ZNF184: variants seen among roughly 807,000 people sequenced by gnomAD.
ZNF184 encodes the protein zinc finger protein 184.
In ZNF184, 16 loss-of-function variants were observed where a neutral mutation model predicts 54.4. The observed-to-expected ratio is 0.29, with a 90% CI of 0.20 to 0.45. The LOEUF is 0.45. Among genes scored for constraint, ZNF184 ranks in the 20% least tolerant of loss-of-function variants. The pLI is 1.00. For synonymous variants in ZNF184, 254 were observed against 295.3 expected (o/e 0.86, Z 1.43); for missense variants, 681 against 888.2 (o/e 0.77, Z 2.97).
chr6:27,430,976 T>C, the ZNF184 span, among the ~76,000 whole-genome samples: 1 of 152,286 alleles, frequency 6.6e-6, no homozygotes, highest in East Asian at 1.9e-4. Context: ...TGAAAATACC[T>C]TATTTCACCA....
chr6:27,467,516 A>C (rs1211592079), intron 3 of ZNF184, among the ~76,000 whole-genome samples: 1 of 151,808 alleles, frequency 6.6e-6, no homozygotes, highest in Non-Finnish European at 1.5e-5. Flanking sequence ...AATTGCTTGA[A>C]CCCGGCAGGC....
chr6:27,406,097 C>T, the ZNF184 span: 1 of 152,192 alleles, frequency 6.6e-6, no homozygotes, highest in Non-Finnish European at 1.5e-5. Context: ...TGGGGCTATA[C>T]ATATAGCCCT....
In ZNF184 at chr6:27,456,910, A is replaced by C. The variant is rs1417268817; in HGVS notation, c.214T>G (p.Ser72Ala). Residue 72 changes from serine to alanine, a missense_variant, in exon 5 of 6, where the codon TCT (serine) becomes GCT (alanine). Coordinates refer to ENST00000683788, the MANE Select transcript of ZNF184 (RefSeq NM_001318891.2). ...THLVSIGLQV[S>A]KPDVISQLEQ... The stretch of plus-strand genomic sequence containing the variant: ...AACTGGGAAATCACATCAGGTTTAG[A>C]AACTTGGAGTCCTGTTCATTAGGGA... 1 of 1,614,112 alleles carries C rather than the reference A, an allele frequency of 6.2e-7. No homozygotes were observed. Among genetic ancestry groups the C allele is most frequent in the African/African-American group, 1.3e-5 (1 of 75,040 alleles).
At chr6:27,425,811 G>GGAAA in the ZNF184 span, among the ~76,000 whole-genome samples, 162 of 152,282 alleles carry the variant, frequency 1.1e-3, no homozygotes, top group African/African-American at 3.7e-3. Context: ...TGTTTCCACA[G>GGAAA]TACCTCTGAA....
intron 3 of ZNF184, among the ~76,000 whole-genome samples, chr6:27,459,056 A>T (rs955346188): frequency 6.6e-6 from 1 of 152,184 alleles, no homozygotes; most frequent in African/African-American, 2.4e-5. Context: ...AGAGAGTAGA[A>T]TTGTGCTTAC....
At chr6:27,469,788 T>C (rs1264695356) in intron 2 of ZNF184, among the ~76,000 whole-genome samples, 1 of 152,022 alleles carries the variant, frequency 6.6e-6, no homozygotes, top group Non-Finnish European at 1.5e-5. Flanking sequence ...ATGTGTGAGA[T>C]AGTGGCAATA....
the ZNF184 span, among the ~76,000 whole-genome samples, chr6:27,442,421 A>AC: frequency 6.6e-6 from 1 of 152,054 alleles, no homozygotes; most frequent in African/African-American, 2.4e-5. Context: ...GGAGTTCCAG[A>AC]CCAGCCTGGG....
the ZNF184 span, among the ~76,000 whole-genome samples, chr6:27,439,749 A>G: frequency 6.6e-6 from 1 of 152,202 alleles, no homozygotes; most frequent in Non-Finnish European, 1.5e-5. Context: ...AGTTTATAAC[A>G]ATTAGACTTT....
intron 2 of ZNF184, among the ~76,000 whole-genome samples, chr6:27,468,151 T>C (rs1184233409): frequency 6.6e-6 from 1 of 152,178 alleles, no homozygotes; most frequent in African/African-American, 2.4e-5. Context: ...CACTTAGAAG[T>C]CATATGTATT....
the ZNF184 span, among the ~76,000 whole-genome samples, chr6:27,442,860 AAG>A: frequency 1.4e-3 from 96 of 70,672 alleles, 10 homozygotes; most frequent in African/African-American, 4.9e-3. Flanking sequence ...GAAAGAAAGA[AAG>A]AAAGAAAGAA....
chr6:27,453,339 T>C lies in ZNF184; in HGVS notation c.299-79A>G. ...TATTGTGGGAATAATATAATGATAC[T>C]GAAAAATAAATCTCTCAGAAAATTC... is the stretch of plus-strand genomic sequence containing the variant. On this transcript the variant is annotated intron_variant, in intron 5 of 5. Coordinates refer to ENST00000683788, the MANE Select transcript of ZNF184 (RefSeq NM_001318891.2). This position sits in a 1 kb window ranked among gnomAD's most constrained non-coding sequence, Gnocchi z 4.7. 1 of 1,335,140 alleles carries C rather than the reference T, an allele frequency of 7.5e-7. No homozygotes were observed. The highest frequency in any genetic ancestry group is 9.9e-7 in the Non-Finnish European group (1 of 1,009,614). 82.7% of individuals were successfully genotyped at this position (1,335,140 alleles called of 1,614,324 possible). A position where few individuals can be genotyped will look rare whatever the true frequency, so the allele number is the denominator to read the frequency against.
chr6:27,467,758 A>G, intron 3 of ZNF184, 95 bp downstream of exon 3: 1 of 1,237,594 alleles, frequency 8.1e-7, no homozygotes, highest in Non-Finnish European at 1.1e-6. Context: ...AACTGCCAAC[A>G]TTGATTTTTG....
chr6:27,440,972 T>G, the ZNF184 span, among the ~76,000 whole-genome samples: 10,892 of 151,774 alleles, frequency 0.072, 483 homozygotes, highest in Middle Eastern at 0.17. Flanking sequence ...GCCACTGCAC[T>G]CCAGCCTGGG....
At chr6:27,457,071 C>T (rs889025066) in intron 4 of ZNF184, 150 bp from the exon 5 acceptor site, 4 of 950,554 alleles carry the variant, frequency 4.2e-6, no homozygotes, top group Non-Finnish European at 6.2e-6. Context: ...TTACCAGTTC[C>T]CAGACATGGT....
intron 3 of ZNF184, among the ~76,000 whole-genome samples, chr6:27,462,852 G>A (rs1185554922): frequency 1.4e-5 from 2 of 147,380 alleles, no homozygotes; most frequent in Non-Finnish European, 3.0e-5. Context: ...GCGACAGAGT[G>A]AGACTCTGTC....
the ZNF184 span, among the ~76,000 whole-genome samples, chr6:27,445,109 C>A: frequency 5.9e-5 from 9 of 152,174 alleles, no homozygotes; most frequent in African/African-American, 1.9e-4. Context: ...TAGGTTTATA[C>A]CCAACAGAAA....
At chr6:27,441,816 A>G in the ZNF184 span, among the ~76,000 whole-genome samples, 1 of 152,240 alleles carries the variant, frequency 6.6e-6, no homozygotes, top group African/African-American at 2.4e-5. Context: ...GTATAAAACA[A>G]TGCTAATTTA....
chr6:27,436,140 C>T, the ZNF184 span, among the ~76,000 whole-genome samples: 40 of 152,030 alleles, frequency 2.6e-4, no homozygotes, highest in African/African-American at 8.4e-4. Context: ...GAGTTTTCAT[C>T]GATTCCTAGT....
At chr6:27,449,236 C>T (rs552635418), downstream of ZNF184, among the ~76,000 whole-genome samples, 1 of 152,340 alleles carries the variant, frequency 6.6e-6, no homozygotes, top group East Asian at 1.9e-4. Flanking sequence ...GACATTGAAA[C>T]ATCCAAATAA....
Sources: gnomAD v4.1 joint callset for allele counts (sites outside exome capture counted in the v4.1 genomes callset) on GRCh38, gnomAD v4.1.1 for gene constraint, Gnocchi (gnomAD v3.1) non-coding constraint, MANE v1.5 for transcripts, NCBI Gene and HGNC (gene_info 2026-07-23, HGNC 2026-07-21) for gene names.